CSMD3: variants seen among roughly 807,000 people sequenced by gnomAD.
CSMD3 encodes CUB and sushi domain-containing protein 3.
CSMD3 carries 177 observed loss-of-function variants against 435.2 expected under a neutral mutation model. The ratio of observed to expected loss-of-function variants is 0.41; its 90% CI spans 0.36 to 0.46. The LOEUF is 0.46. Among genes scored for constraint, CSMD3 ranks in the 20% least tolerant of loss-of-function variants. The pLI is 0.34. For synonymous variants in CSMD3, 1,656 were observed against 1,520.5 expected (o/e 1.09, Z -2.07); for missense variants, 4,265 against 4,504.6 (o/e 0.95, Z 1.52).
chr8:113,306,339 A>G (rs745586218), intron 2 of CSMD3, among the ~76,000 whole-genome samples: 1 of 152,134 alleles, frequency 6.6e-6, no homozygotes, highest in African/African-American at 2.4e-5. Context: ...ATCGTCAGCT[A>G]ATTGGATTGA....
intron 5 of CSMD3, among the ~76,000 whole-genome samples, chr8:113,077,554 T>G (rs2089395381): frequency 6.6e-6 from 1 of 151,920 alleles, no homozygotes; most frequent in South Asian, 2.1e-4. Flanking sequence ...ATACAAAGAT[T>G]AGCCGGGTGT....
intron 38 of CSMD3, among the ~76,000 whole-genome samples, chr8:112,364,308 T>A (rs2131137436): frequency 6.6e-6 from 1 of 152,082 alleles, no homozygotes; most frequent in Non-Finnish European, 1.5e-5. Context: ...ATTATAATCA[T>A]GAGTGCTCTT....
chr8:112,492,119 G>T (rs1183417263), intron 31 of CSMD3, among the ~76,000 whole-genome samples: 1 of 151,954 alleles, frequency 6.6e-6, no homozygotes, highest in Non-Finnish European at 1.5e-5. Flanking sequence ...TTATCTACTT[G>T]TGTTGAAATG....
chr8:113,140,089 T>C (rs1441962147), intron 4 of CSMD3, among the ~76,000 whole-genome samples: 2 of 151,040 alleles, frequency 1.3e-5, no homozygotes, highest in Non-Finnish European at 3.0e-5. Context: ...TTCAACTTAC[T>C]ACGTGTTATC....
intron 30 of CSMD3, among the ~76,000 whole-genome samples, chr8:112,496,486 C>G (rs953052224): frequency 6.6e-6 from 1 of 152,094 alleles, no homozygotes; most frequent in South Asian, 2.1e-4. Context: ...ATCAGTATAT[C>G]GAAGAGATAT....
chr8:112,352,371 G>A (rs2131061791), intron 39 of CSMD3, 45 bp downstream of exon 39: 21 of 1,609,772 alleles, frequency 1.3e-5, no homozygotes, highest in Non-Finnish European at 1.8e-5. Flanking sequence ...AAAATATTCT[G>A]AAAGGGCCAT....
intron 2 of CSMD3, among the ~76,000 whole-genome samples, chr8:113,298,324 T>C (rs2093737607): frequency 6.6e-6 from 1 of 152,136 alleles, no homozygotes; most frequent in African/African-American, 2.4e-5. Flanking sequence ...ATAAGGTTTT[T>C]TTTCTAAAAT....
intron 9 of CSMD3, among the ~76,000 whole-genome samples, chr8:112,925,119 T>A (rs2082870441): frequency 6.6e-6 from 1 of 152,134 alleles, no homozygotes; most frequent in East Asian, 1.9e-4. Context: ...CATATCTCCC[T>A]AACATGAACC....
chr8:112,714,206 C>A (rs1348174042), intron 13 of CSMD3, among the ~76,000 whole-genome samples: 8 of 142,986 alleles, frequency 5.6e-5, no homozygotes, highest in African/African-American at 1.8e-4. Flanking sequence ...CACACAGGCT[C>A]AAAATAAAAG....
intron 5 of CSMD3, among the ~76,000 whole-genome samples, chr8:113,036,542 T>C (rs1428360864): frequency 6.6e-6 from 1 of 152,014 alleles, no homozygotes; most frequent in Non-Finnish European, 1.5e-5. Flanking sequence ...AAGGAGAATG[T>C]GTAAAATTTT....
intron 22 of CSMD3, among the ~76,000 whole-genome samples, chr8:112,610,733 C>G: frequency 6.6e-6 from 1 of 152,076 alleles, no homozygotes; most frequent in East Asian, 1.9e-4. Flanking sequence ...AGTGTCTATG[C>G]CTGACTGCCT....
intron 16 of CSMD3, among the ~76,000 whole-genome samples, chr8:112,673,649 T>C (rs1445576567): frequency 6.6e-6 from 1 of 152,142 alleles, no homozygotes; most frequent in Admixed American, 6.6e-5. Flanking sequence ...TGGCTGTGAA[T>C]GAGAATGGCT....
intron 31 of CSMD3, among the ~76,000 whole-genome samples, chr8:112,491,558 G>A (rs145305727): frequency 1.1e-3 from 166 of 152,178 alleles, no homozygotes; most frequent in Admixed American, 3.9e-3. Context: ...TCTGAGGCAG[G>A]AGAATCACTT....
At chr8:113,408,812 G>T (rs1012601991) in intron 1 of CSMD3, among the ~76,000 whole-genome samples, 1 of 151,772 alleles carries the variant, frequency 6.6e-6, no homozygotes, top group Admixed American at 6.6e-5. Flanking sequence ...CTACAGGCGT[G>T]TGCCACCACA....
At chr8:112,643,103 T>C (rs971741714) in intron 20 of CSMD3, among the ~76,000 whole-genome samples, 14 of 152,102 alleles carry the variant, frequency 9.2e-5, no homozygotes, top group Admixed American at 7.9e-4. Flanking sequence ...ATGAAAAACA[T>C]GGTAGTCTCA....
chr8:112,883,218 T>C (rs1052279237), intron 10 of CSMD3, among the ~76,000 whole-genome samples: 13 of 152,014 alleles, frequency 8.6e-5, no homozygotes, highest in African/African-American at 3.1e-4. Context: ...ACATGAAATC[T>C]TCGATTTTCA....
At chr8:112,985,413 T>TG (rs1237436373) in intron 6 of CSMD3, among the ~76,000 whole-genome samples, 1 of 151,044 alleles carries the variant, frequency 6.6e-6, no homozygotes, top group African/African-American at 2.4e-5. Flanking sequence ...CAACTTAACT[T>TG]GAAAAAATGA....
At chr8:112,855,524 CCTATAATATCCTAAGTATCATGAGTT>C (rs1334157321) in intron 11 of CSMD3, among the ~76,000 whole-genome samples, 1 of 151,774 alleles carries the variant, frequency 6.6e-6, no homozygotes, top group Non-Finnish European at 1.5e-5. Flanking sequence ...TTAAAATTGG[CCTATAATATCCTAAGTATCATGAGTT>C]CTATATAAGG....
chr8:113,364,258 T>TAAA (rs200394125), intron 1 of CSMD3, among the ~76,000 whole-genome samples: 3 of 151,490 alleles, frequency 2.0e-5, no homozygotes, highest in Non-Finnish European at 2.9e-5. Context: ...TTTTTTTTTT[T>TAAA]AAAAAGGATC....
Sources: allele counts gnomAD v4.1 joint callset (sites outside exome capture counted in the v4.1 genomes callset), GRCh38; gene constraint gnomAD v4.1.1; transcripts MANE v1.5; gene names NCBI Gene and HGNC (gene_info 2026-07-23, HGNC 2026-07-21).